FAM13A: variants seen among roughly 807,000 people sequenced by gnomAD.
The protein encoded by FAM13A is family with sequence similarity 13 member A.
Under a neutral mutation model 129.6 loss-of-function variants are expected in FAM13A, and 76 were observed. The ratio of observed to expected loss-of-function variants is 0.59; its 90% CI spans 0.49 to 0.71. The LOEUF (loss-of-function observed/expected upper bound fraction) is 0.71, where lower values mean the gene tolerates loss of function less well. FAM13A is among the 30% of genes least tolerant of loss of function. FAM13A has a pLI of 0.00. For synonymous variants in FAM13A, 443 were observed against 449.9 expected (o/e 0.98, Z 0.20); for missense variants, 1,108 against 1,249.3 (o/e 0.89, Z 1.70).
At chr4:88,989,683 T>G (rs1191251918) in intron 4 of FAM13A, 1 of 152,246 alleles carries the variant, frequency 6.6e-6, no homozygotes, top group Non-Finnish European at 1.5e-5. Flanking sequence ...CCATACTAAT[T>G]AGAACCTATA....
intron 6 of FAM13A, among the ~76,000 whole-genome samples, chr4:88,851,913 A>G (rs190509134): frequency 1.1e-4 from 17 of 152,298 alleles, no homozygotes; most frequent in Admixed American, 1.1e-3. Context: ...AATACAATCA[A>G]TATTCTTTTC....
At chr4:88,791,917 C>A (rs572761255) in intron 8 of FAM13A, among the ~76,000 whole-genome samples, 1 of 152,106 alleles carries the variant, frequency 6.6e-6, no homozygotes, top group African/African-American at 2.4e-5. Context: ...TACTCATTAT[C>A]CCAGAGGTGA....
chr4:88,735,794 A>G lies in FAM13A; in HGVS notation c.2646+1678T>C, dbSNP rs1050450288. ...ACAAAAGCAAAGTAGTCATTGCAAA[A>G]TTATCTGAAATTTTGACCATGATGT... On this transcript the variant is annotated intron_variant, in intron 21 of 23. Coordinates refer to ENST00000264344, the MANE Select transcript of FAM13A (RefSeq NM_014883.4). 5.9e-5 allele frequency among the ~76,000 whole-genome samples: 9 copies of G among 152,210 alleles called. 1 individual carries two copies. Among genetic ancestry groups the G allele is most frequent in the African/African-American group, 2.2e-4 (9 of 41,458 alleles).
intron 3 of FAM13A, among the ~76,000 whole-genome samples, chr4:88,995,998 G>A (rs1320108781): frequency 6.6e-6 from 1 of 152,194 alleles, no homozygotes; most frequent in Admixed American, 6.5e-5. Flanking sequence ...GGTCAGGGAG[G>A]CCCCTCTGAT....
chr4:89,049,446 A>C (rs986959287), intron 1 of FAM13A, among the ~76,000 whole-genome samples: 1 of 152,242 alleles, frequency 6.6e-6, no homozygotes, highest in Non-Finnish European at 1.5e-5. Context: ...AAAACCTGTG[A>C]CATCATTTCT....
In FAM13A at chr4:88,749,837, C is replaced by A. The variant is rs773310806; in HGVS notation, c.2013G>T (p.Arg671Ser). 1.9e-6 allele frequency: 3 copies of A among 1,614,140 alleles called. No individual in the cohort carries two copies. The highest frequency in any genetic ancestry group is 2.5e-6 in the Non-Finnish European group (3 of 1,180,016). The part of the protein sequence containing the change: ...EDLTPAQLTR[R>S]IQSLKKKIRK... ...GGATCTTCTTTTTAAGGCTCTGAAT[C>A]CTTCGTGTGAGCTGGGCAGGTGTCA... The change falls in exon 16 of 24, where the codon AGG (arginine) becomes AGT (serine). Residue 671 changes from arginine (R) to serine (S), a missense_variant. By Grantham distance (110) the Arg-to-Ser change is moderately radical (BLOSUM62 -1). Around this residue, in one of 3 missense-constraint regions of FAM13A, gnomAD observed 529 missense variants for 621.2 expected, o/e 0.85. Coordinates refer to ENST00000264344, the MANE Select transcript of FAM13A (RefSeq NM_014883.4).
intron 6 of FAM13A, among the ~76,000 whole-genome samples, chr4:88,894,474 A>G (rs1162775382): frequency 6.6e-6 from 1 of 152,212 alleles, no homozygotes; most frequent in Admixed American, 6.5e-5. Context: ...AAGTATATAT[A>G]TAGATATGCA....
At chr4:88,921,530 A>G (rs1452852507) in intron 5 of FAM13A, among the ~76,000 whole-genome samples, 1 of 152,194 alleles carries the variant, frequency 6.6e-6, no homozygotes. Context: ...CAGGCCTACC[A>G]TAAAAGAGCT....
intron 7 of FAM13A, among the ~76,000 whole-genome samples, chr4:88,846,369 C>G (rs1736644355): frequency 1.3e-5 from 2 of 152,232 alleles, no homozygotes; most frequent in South Asian, 2.1e-4. Context: ...GTACAGTAAG[C>G]TACAAATTGG....
At chr4:88,843,668 T>C (rs1561141833) in intron 7 of FAM13A, among the ~76,000 whole-genome samples, 1 of 152,256 alleles carries the variant, frequency 6.6e-6, no homozygotes, top group Non-Finnish European at 1.5e-5. Context: ...TTAATATTGC[T>C]GAAAGTCTGA....
intron 4 of FAM13A, among the ~76,000 whole-genome samples, chr4:88,978,942 T>C (rs1402753567): frequency 6.6e-6 from 1 of 152,140 alleles, no homozygotes; most frequent in Non-Finnish European, 1.5e-5. Flanking sequence ...AAATAAATCA[T>C]AAGCTCAGAG....
At chr4:88,988,956 C>G (rs987143159) in intron 4 of FAM13A, among the ~76,000 whole-genome samples, 18 of 152,110 alleles carry the variant, frequency 1.2e-4, no homozygotes, top group Admixed American at 1.3e-4. Flanking sequence ...GCCTGTAATC[C>G]CAGCACTTTG....
In FAM13A at chr4:89,029,534, A is replaced by T. The variant is rs1215286484; in HGVS notation, c.143T>A (p.Leu48His). The change falls in exon 2 of 24, where the codon CTT becomes CAT. Residue 48 changes from leucine to histidine, a missense_variant. Leu to His is a moderately conservative substitution (Grantham distance 99). This residue lies in a region of FAM13A where 566 missense variants were observed against 595.7 expected (regional missense o/e 0.95). Coordinates refer to ENST00000264344, the MANE Select transcript of FAM13A (RefSeq NM_014883.4). ...ATTCTCGGTGAGCCCCTGCCGTTCA[A>T]GTTCTTGGAGACTGACTCCAAATAA... Reference protein sequence around the residue: ...QKLFGVSLQELERQGLTENGI... With the variant: ...QKLFGVSLQEHERQGLTENGI... 6.3e-7 allele frequency: 1 copy of T among 1,596,728 alleles called. No individual in the cohort carries two copies. Among genetic ancestry groups the T allele is most frequent in the African/African-American group, 1.4e-5 (1 of 73,552 alleles).
chr4:88,750,323 C>A (rs1742297775), intron 15 of FAM13A, 101 bp downstream of exon 15: 5 of 948,962 alleles, frequency 5.3e-6, no homozygotes, highest in Non-Finnish European at 6.7e-6. Context: ...TCCATAGGCT[C>A]ACGACTTAAT....
chr4:88,829,572 T>C (rs1011770870), intron 7 of FAM13A, among the ~76,000 whole-genome samples: 2 of 152,208 alleles, frequency 1.3e-5, no homozygotes, highest in African/African-American at 4.8e-5. Context: ...AGCCAAGATT[T>C]TTAGTGCATA....
At chr4:89,040,718 G>A (rs909517377) in intron 1 of FAM13A, among the ~76,000 whole-genome samples, 3 of 152,160 alleles carry the variant, frequency 2.0e-5, no homozygotes, top group Non-Finnish European at 2.9e-5. Context: ...TGACCCATGC[G>A]GTCTGTGATG....
At chr4:88,922,308 T>A (rs1434612962) in intron 5 of FAM13A, among the ~76,000 whole-genome samples, 10 of 151,232 alleles carry the variant, frequency 6.6e-5, no homozygotes, top group Non-Finnish European at 1.0e-4. Flanking sequence ...GAAGTAAAGC[T>A]CTCCTCAGCA....
intron 10 of FAM13A, among the ~76,000 whole-genome samples, chr4:88,782,943 T>C (rs1723231438): frequency 6.6e-6 from 1 of 152,192 alleles, no homozygotes; most frequent in African/African-American, 2.4e-5. Context: ...TCACTCTTCA[T>C]AGTTTTCCTA....
At chr4:88,875,656 A>G (rs1393269961) in intron 6 of FAM13A, among the ~76,000 whole-genome samples, 11 of 152,102 alleles carry the variant, frequency 7.2e-5, no homozygotes, top group Non-Finnish European at 1.3e-4. Context: ...TGCTGGAGAG[A>G]ATGTGGAGAA....
Sources: gnomAD v4.1 joint callset for allele counts (sites outside exome capture counted in the v4.1 genomes callset) on GRCh38, gnomAD v4.1.1 for gene constraint, gnomAD v4.1.1 regional missense constraint, MANE v1.5 for transcripts, NCBI Gene and HGNC (gene_info 2026-07-23, HGNC 2026-07-21) for gene names.